DNAH3: variants seen among roughly 807,000 people sequenced by gnomAD.
DNAH3 encodes axonemal beta dynein heavy chain 3.
DNAH3 carries 332 observed loss-of-function variants against 432.5 expected under a neutral mutation model. That is an observed-to-expected ratio of 0.77 (90% confidence interval 0.70 to 0.84). The LOEUF is 0.84. Ranked by LOEUF, DNAH3 falls within the 40% of genes least tolerant of loss-of-function variation. The pLI is 0.00. For missense variants in DNAH3, 4,861 were observed against 5,114.0 expected, an observed-to-expected ratio of 0.95 and a Z score of 1.51; for synonymous variants, 1,956 against 1,900.2, an observed-to-expected ratio of 1.03 and a Z score of -0.76.
chr16:21,002,080 C>T (rs949136104), intron 42 of DNAH3, among the ~76,000 whole-genome samples: 4 of 152,102 alleles, frequency 2.6e-5, no homozygotes, highest in African/African-American at 9.7e-5. Context: ...CACACATTCA[C>T]CCTGCTTGAC....
rs771791969 is a variant in DNAH3, at chr16:21,040,358, A to ATCTTTTTTTTTTTTTT, written c.4639-416_4639-415insAAAAAAAAAAAAAAGA. 1.1e-3 allele frequency among the ~76,000 whole-genome samples: 84 copies of ATCTTTTTTTTTTTTTT among 79,744 alleles called. 10 individuals are homozygous for ATCTTTTTTTTTTTTTT. Among genetic ancestry groups the ATCTTTTTTTTTTTTTT allele is most frequent in the Admixed American group, 2.5e-3 (17 of 6,710 alleles). 52.3% of individuals were successfully genotyped at this position (79,744 alleles called of 152,430 possible). The stretch of plus-strand genomic sequence containing the variant: ...TCAGAAGAATCCCAAAGCCAGACAG[A>ATCTTTTTTTTTTTTTT]TTTTTTTTTTTTTTTTTTTTTTTTT... On this transcript the variant is annotated intron_variant, in intron 32 of 61. Coordinates refer to ENST00000261383, the Ensembl canonical transcript of DNAH3.
chr16:21,094,104 T>C (rs1407109486), intron 18 of DNAH3, among the ~76,000 whole-genome samples: 1 of 151,996 alleles, frequency 6.6e-6, no homozygotes, highest in Non-Finnish European at 1.5e-5. Context: ...AAAGACACTA[T>C]AAAGAGAATA....
In DNAH3 at chr16:21,142,895, C is replaced by A. The variant is rs1446793466; in HGVS notation, c.449-1523G>T. Among the ~76,000 whole-genome samples the A allele has an allele frequency of 9.2e-5, 14 of 152,154 alleles. 1 individual carries two copies. The highest frequency in any genetic ancestry group is 3.4e-3 in the Middle Eastern group (1 of 294). Reference sequence around the variant, plus strand: ...TCTCCAACTCCTGGGGGCAAGCAACCCTCTCAATAAACACAACAATCAAGG... The same window carrying A: ...TCTCCAACTCCTGGGGGCAAGCAACACTCTCAATAAACACAACAATCAAGG... On this transcript the variant is annotated intron_variant, in intron 3 of 61. Coordinates refer to ENST00000261383, the Ensembl canonical transcript of DNAH3.
At chr16:20,939,141 G>A (rs1469308759) in intron 59 of DNAH3, among the ~76,000 whole-genome samples, 2 of 151,954 alleles carry the variant, frequency 1.3e-5, no homozygotes, top group Non-Finnish European at 2.9e-5. Context: ...GAGCTCCAGT[G>A]GCCTTAGAGG....
intron 49 of DNAH3, among the ~76,000 whole-genome samples, chr16:20,981,552 C>G (rs1289729204): frequency 6.6e-6 from 1 of 151,946 alleles, no homozygotes; most frequent in Non-Finnish European, 1.5e-5. Flanking sequence ...TGGTGAAACC[C>G]AGTGTCCACT....
intron 1 of DNAH3, among the ~76,000 whole-genome samples, chr16:21,153,539 G>A (rs972358989): frequency 2.0e-5 from 3 of 152,196 alleles, no homozygotes; most frequent in African/African-American, 7.2e-5. Flanking sequence ...GGCTGCCCGG[G>A]CCAGCAGTGG....
At position 20,957,732 on chromosome 16, in the gene DNAH3, G is replaced by A. The variant is rs182095759; in HGVS notation, c.10826+1447C>T. ...CGAGGCAGGAGAATCGCTTGAACCC[G>A]GGAGGCAGAGGTCACAGTGAGTGGA... On this transcript the variant is annotated intron_variant, in intron 54 of 61. Coordinates refer to ENST00000261383, the Ensembl canonical transcript of DNAH3. Among the ~76,000 whole-genome samples the A allele has an allele frequency of 8.9e-5, 13 of 146,104 alleles. No homozygotes were observed. The South Asian group carries it at 1.1e-3, about 12-fold the overall frequency.
intron 59 of DNAH3, among the ~76,000 whole-genome samples, chr16:20,941,079 G>A (rs1263076442): frequency 1.3e-5 from 2 of 152,166 alleles, no homozygotes; most frequent in East Asian, 1.9e-4. Flanking sequence ...CAACTTGAGC[G>A]ACAGAGAGAG....
chr16:20,942,238 C>T (rs1189313445), intron 58 of DNAH3, among the ~76,000 whole-genome samples: 2 of 152,328 alleles, frequency 1.3e-5, no homozygotes, highest in East Asian at 3.9e-4. Flanking sequence ...AGGATTAGCT[C>T]CTGGTGCCAT....
At chr16:21,146,488 G>A (rs937279635) in intron 1 of DNAH3, among the ~76,000 whole-genome samples, 13 of 152,240 alleles carry the variant, frequency 8.5e-5, no homozygotes, top group Non-Finnish European at 1.0e-4. Context: ...CCTGGGACGC[G>A]GAGGTTGCGG....
chr16:20,933,444 A>G (rs1217996239), exon 62 of DNAH3: 14 of 1,613,800 alleles, frequency 8.7e-6, no homozygotes, highest in Non-Finnish European at 1.2e-5. Context: ...CCTTCTAAGA[A>G]GAGCCCTTTG....
chr16:20,991,877 G>A (rs2086574430), intron 44 of DNAH3, among the ~76,000 whole-genome samples: 1 of 152,182 alleles, frequency 6.6e-6, no homozygotes, highest in African/African-American at 2.4e-5. Context: ...GGTAGCTACT[G>A]ATGCTCAATG....
At chr16:20,954,960 T>A (rs532304558) in exon 55 of DNAH3, 18 of 1,614,214 alleles carry the variant, frequency 1.1e-5, no homozygotes, top group Non-Finnish European at 1.5e-5. Flanking sequence ...CGCAACAGGT[T>A]GGCCCGGAGC....
At chr16:21,150,572 G>A (rs2152836050) in intron 1 of DNAH3, 38 bp from the exon 2 acceptor site, 1 of 227,220 alleles carries the variant, frequency 4.4e-6, no homozygotes, top group Admixed American at 5.1e-5. Context: ...TAGAGATAAG[G>A]GGACAGCACT....
At chr16:21,120,105 C>CTT (rs35011784) in intron 11 of DNAH3, among the ~76,000 whole-genome samples, 25,346 of 128,494 alleles carry the variant, frequency 0.2, 3,013 homozygotes, top group Admixed American at 0.22. Context: ...TCCCTACCAA[C>CTT]TTTTTTTTTT....
At chr16:21,021,549 G>C (rs2088221903) in intron 40 of DNAH3, among the ~76,000 whole-genome samples, 1 of 152,118 alleles carries the variant, frequency 6.6e-6, no homozygotes, top group Non-Finnish European at 1.5e-5. Flanking sequence ...AGGCTTGCTT[G>C]TTCTAGATCA....
At chr16:21,145,019 G>A (rs2092764659) in intron 3 of DNAH3, among the ~76,000 whole-genome samples, 162 bp downstream of exon 4, 1 of 152,206 alleles carries the variant, frequency 6.6e-6, no homozygotes, top group Non-Finnish European at 1.5e-5. Flanking sequence ...GGCTGAGGCA[G>A]GAGAATCACT....
At chr16:21,062,939 C>A in intron 24 of DNAH3, 2 of 435,732 alleles carry the variant, frequency 4.6e-6, no homozygotes, top group Non-Finnish European at 8.2e-6. Context: ...CCTCTCTCCT[C>A]AGCCTCCTGA....
intron 18 of DNAH3, among the ~76,000 whole-genome samples, chr16:21,096,836 A>G (rs2091696648): frequency 6.6e-6 from 1 of 152,112 alleles, no homozygotes; most frequent in Non-Finnish European, 1.5e-5. Flanking sequence ...ACTTTTCCCA[A>G]AGGTCAGCTA....
Sources: allele counts gnomAD v4.1 joint callset (sites outside exome capture counted in the v4.1 genomes callset), GRCh38; gene constraint gnomAD v4.1.1; transcripts MANE v1.5; gene names NCBI Gene and HGNC (gene_info 2026-07-23, HGNC 2026-07-21).